MFHAS1: variants seen among roughly 807,000 people sequenced by gnomAD.
MFHAS1 encodes multifunctional ROCO family signaling regulator 1, also known as malignant fibrous histiocytoma-amplified sequence 1.
Under a neutral mutation model 70.4 loss-of-function variants are expected in MFHAS1, and 50 were observed. That is an observed-to-expected ratio of 0.71 (90% CI 0.57 to 0.90). MFHAS1 has a LOEUF of 0.90. Among genes scored for constraint, MFHAS1 ranks in the 40% least tolerant of loss-of-function variants. The probability of loss-of-function intolerance (pLI) is 0.00; values close to 1 mark genes in which losing one functional copy is unlikely to be tolerated. For synonymous variants in MFHAS1, 952 were observed against 620.0 expected, an observed-to-expected ratio of 1.54 and a Z score of -7.96; for missense variants, 1,795 against 1,347.6, an observed-to-expected ratio of 1.33 and a Z score of -5.20.
At chr8:8,848,915 G>A (rs539509507) in intron 1 of MFHAS1, among the ~76,000 whole-genome samples, 1 of 152,194 alleles carries the variant, frequency 6.6e-6, no homozygotes, top group East Asian at 1.9e-4. Context: ...TCTGAAGGTA[G>A]GAAGAGGGAT....
chr8:8,874,995 T>C (rs558630229), intron 1 of MFHAS1, among the ~76,000 whole-genome samples: 1 of 152,002 alleles, frequency 6.6e-6, no homozygotes, highest in Non-Finnish European at 1.5e-5. Flanking sequence ...GCAACATTTA[T>C]ACAAGAAAAC....
chr8:8,892,954 G>A lies in MFHAS1; in HGVS notation c.105C>T (p.Thr35=), dbSNP rs1428998239. Reference sequence around the variant, plus strand: ...CGGCCCCGGGGCAGGCCCCGGCGGCGGTAAGCGTGAGCTGGCGCAGGTTGC... The same window carrying A: ...CGGCCCCGGGGCAGGCCCCGGCGGCAGTAAGCGTGAGCTGGCGCAGGTTGC... ...LRSNLRQLTL[T]AAGACPGAGA... Residue 35 remains threonine, a synonymous_variant, in exon 1 of 3, where the codon ACC becomes ACT. Transcript: ENST00000276282. This position sits in a 1 kb window ranked among gnomAD's most constrained non-coding sequence, Gnocchi z 4.7. 1.7e-5 allele frequency: 27 copies of A among 1,546,110 alleles called. No individual in the cohort carries two copies. Among genetic ancestry groups the A allele is most frequent in the Non-Finnish European group, 2.1e-5 (24 of 1,148,600 alleles).
intron 1 of MFHAS1, among the ~76,000 whole-genome samples, chr8:8,855,979 G>C (rs916142181): frequency 3.3e-5 from 5 of 152,224 alleles, no homozygotes; most frequent in Non-Finnish European, 7.3e-5. Flanking sequence ...ACACAGATGA[G>C]AAAAGATGCT....
intron 1 of MFHAS1, among the ~76,000 whole-genome samples, chr8:8,837,877 T>C (rs1807660987): frequency 1.3e-5 from 2 of 152,282 alleles, no homozygotes; most frequent in South Asian, 2.1e-4. Flanking sequence ...GACTGCTCAG[T>C]AAAATCAGCG....
chr8:8,843,208 G>C (rs548474221), intron 1 of MFHAS1, among the ~76,000 whole-genome samples: 1 of 151,638 alleles, frequency 6.6e-6, no homozygotes, highest in South Asian at 2.1e-4. Context: ...AGCGGAGCTT[G>C]CAGTGAGCCG....
intron 1 of MFHAS1, among the ~76,000 whole-genome samples, chr8:8,858,014 A>T (rs1325862434): frequency 6.6e-6 from 1 of 152,216 alleles, no homozygotes; most frequent in African/African-American, 2.4e-5. Context: ...TGAACAAAAC[A>T]AAATGCTCTG....
intron 2 of MFHAS1, among the ~76,000 whole-genome samples, chr8:8,796,167 T>C (rs778812567): frequency 6.6e-6 from 1 of 152,170 alleles, no homozygotes; most frequent in African/African-American, 2.4e-5. Flanking sequence ...AGTAACCCAA[T>C]GTTCTATCTG....
intron 1 of MFHAS1, among the ~76,000 whole-genome samples, chr8:8,886,894 G>A (rs1809775377): frequency 6.6e-6 from 1 of 152,188 alleles, no homozygotes; most frequent in Non-Finnish European, 1.5e-5. Flanking sequence ...GCGAGACTGA[G>A]GTGGGTGGAT....
chr8:8,797,195 T>C (rs1376676504), intron 2 of MFHAS1, among the ~76,000 whole-genome samples, 170 bp downstream of exon 2: 4 of 151,746 alleles, frequency 2.6e-5, no homozygotes, highest in Non-Finnish European at 5.9e-5. Context: ...TAAAAGTTCC[T>C]GTTTTGCTGC....
chr8:8,843,638 CTGTT>C (rs1807923441), intron 1 of MFHAS1, among the ~76,000 whole-genome samples: 1 of 152,104 alleles, frequency 6.6e-6, no homozygotes, highest in South Asian at 2.1e-4. Context: ...GGAGCGGGGT[CTGTT>C]TGGGAGAGAA....
At chr8:8,857,715 G>A (rs59569366) in intron 1 of MFHAS1, among the ~76,000 whole-genome samples, 5,263 of 151,394 alleles carry the variant, frequency 0.035, 166 homozygotes, top group African/African-American at 0.069. Context: ...AGCCAAGATC[G>A]CACCAAGGCA....
chr8:8,861,155 T>A (rs559075933), intron 1 of MFHAS1, among the ~76,000 whole-genome samples: 1 of 152,334 alleles, frequency 6.6e-6, no homozygotes, highest in South Asian at 2.1e-4. Flanking sequence ...ATATAAAACA[T>A]CTACCGAACT....
intron 1 of MFHAS1, among the ~76,000 whole-genome samples, chr8:8,885,173 C>G (rs1809705912): frequency 6.6e-6 from 1 of 152,060 alleles, no homozygotes; most frequent in Non-Finnish European, 1.5e-5. Context: ...GTGCAAGAAA[C>G]TGAGGGACAG....
At chr8:8,861,175 CAAAA>C (rs1808646772) in intron 1 of MFHAS1, among the ~76,000 whole-genome samples, 1 of 152,126 alleles carries the variant, frequency 6.6e-6, no homozygotes. Context: ...TGAATTAAAG[CAAAA>C]TAAAACATGT....
intron 1 of MFHAS1, among the ~76,000 whole-genome samples, chr8:8,801,597 T>A (rs1156773531): frequency 6.6e-6 from 1 of 152,258 alleles, no homozygotes; most frequent in African/African-American, 2.4e-5. Flanking sequence ...TTAACTCACA[T>A]ATGAAGAATG....
intron 1 of MFHAS1, among the ~76,000 whole-genome samples, chr8:8,816,868 G>A (rs980624374): frequency 1.3e-5 from 2 of 152,158 alleles, no homozygotes; most frequent in Non-Finnish European, 2.9e-5. Flanking sequence ...GTAAGCCAAG[G>A]TTAACATACT....
chr8:8,807,211 CT>C (rs1806322347), intron 1 of MFHAS1, among the ~76,000 whole-genome samples: 2 of 152,098 alleles, frequency 1.3e-5, no homozygotes, highest in Admixed American at 6.6e-5. Flanking sequence ...ACCAAGAGCG[CT>C]CACCAAAAGA....
intron 1 of MFHAS1, among the ~76,000 whole-genome samples, chr8:8,804,060 A>G (rs1160222585): frequency 1.3e-5 from 2 of 152,206 alleles, no homozygotes; most frequent in African/African-American, 2.4e-5. Flanking sequence ...CAGGGACTTG[A>G]GCATCCAAAG....
chr8:8,799,688 A>G (rs1806020752), intron 1 of MFHAS1, among the ~76,000 whole-genome samples: 1 of 152,198 alleles, frequency 6.6e-6, no homozygotes, highest in Non-Finnish European at 1.5e-5. Context: ...TCCAGGAGGC[A>G]GAGGTTTCAG....
Sources: gnomAD v4.1 joint callset for allele counts (sites outside exome capture counted in the v4.1 genomes callset) on GRCh38, gnomAD v4.1.1 for gene constraint, Gnocchi (gnomAD v3.1) non-coding constraint, MANE v1.5 for transcripts, NCBI Gene and HGNC (gene_info 2026-07-23, HGNC 2026-07-21) for gene names.